Variants in ZBTB37 observed in about 807,000 individuals in gnomAD.
ZBTB37 encodes zinc finger and BTB domain containing 37, also known as zinc finger and BTB domain-containing protein 37.
In ZBTB37, 15 loss-of-function variants were observed where a neutral mutation model predicts 37.7. That is an observed-to-expected ratio of 0.40 (90% CI 0.27 to 0.61). ZBTB37 has a LOEUF of 0.61. Ranked by LOEUF, ZBTB37 falls within the 20% of genes least tolerant of loss-of-function variation. The pLI is 0.44. For synonymous variants in ZBTB37, 231 were observed against 220.6 expected (o/e 1.05, Z -0.42); for missense variants, 514 against 641.9 (o/e 0.80, Z 2.15).
chr1:173,879,552 T>G (rs1307260520), intron 4 of ZBTB37, among the ~76,000 whole-genome samples: 1 of 152,138 alleles, frequency 6.6e-6, no homozygotes, highest in African/African-American at 2.4e-5. Context: ...AGTCTAATGT[T>G]TCAGATTTTT....
At chr1:173,872,380 A>G (rs1057041166) in intron 3 of ZBTB37, among the ~76,000 whole-genome samples, 12 of 150,400 alleles carry the variant, frequency 8.0e-5, no homozygotes, top group Admixed American at 5.3e-4. Flanking sequence ...GCCTTATTTT[A>G]TTTTATTTTT....
At chr1:173,886,308 A>C in exon 5 of ZBTB37, 1 of 860,190 alleles carries the variant, frequency 1.2e-6, no homozygotes, top group Non-Finnish European at 1.7e-6. Context: ...CTCCCTTCTT[A>C]TTGCCCGCCT....
At chr1:173,870,128 C>A in intron 2 of ZBTB37, 72 bp from the exon 3 acceptor site, 1 of 1,057,668 alleles carries the variant, frequency 9.5e-7, no homozygotes, top group Non-Finnish European at 1.3e-6. Flanking sequence ...TGTTTAAATA[C>A]TTTTGAAATG....
At chr1:173,899,338 C>G (rs1657171953) in exon 4 of ZBTB37, 1 of 152,088 alleles carries the variant, frequency 6.6e-6, no homozygotes, top group South Asian at 2.1e-4. Flanking sequence ...TAGGCCTGTC[C>G]CCTGATCTTT....
At chr1:173,902,482 T>G (rs913260872) in exon 4 of ZBTB37, 10 of 152,238 alleles carry the variant, frequency 6.6e-5, no homozygotes, top group Non-Finnish European at 1.3e-4. Flanking sequence ...AAGCAGTTAC[T>G]CCATTAATAG....
In ZBTB37 at chr1:173,875,223, CACTATATAT is replaced by C. The variant is rs543938991; in HGVS notation, c.1023+1672_1023+1680del. Among the ~76,000 whole-genome samples, 252 of 150,696 alleles carry C rather than the reference CACTATATAT, an allele frequency of 1.7e-3. 1 individual carries two copies. Among genetic ancestry groups the C allele is most frequent in the African/African-American group, 5.7e-3 (234 of 40,834 alleles). Reference sequence around the variant, plus strand: ...CACTATGTATACTATAGTATGCACACACTATATATACTATATATACTATGCGTAGTATAC... The same window carrying C: ...CACTATGTATACTATAGTATGCACACACTATATATACTATGCGTAGTATAC... On this transcript the variant is annotated intron_variant, in intron 4 of 4. Transcript: ENST00000427304.
At chr1:173,882,785 C>T (rs1656409099) in intron 4 of ZBTB37, among the ~76,000 whole-genome samples, 2 of 152,108 alleles carry the variant, frequency 1.3e-5, no homozygotes, top group Admixed American at 1.3e-4. Context: ...CCAGTTTCAG[C>T]TTTCTACATA....
At chr1:173,889,933 T>C (rs1258504476), downstream of ZBTB37, 1 of 152,244 alleles carries the variant, frequency 6.6e-6, no homozygotes, top group Non-Finnish European at 1.5e-5. Flanking sequence ...CAAAGATGGT[T>C]TGAAGATAGA....
At chr1:173,892,121 G>A (rs1468759922) in exon 4 of ZBTB37, 3 of 152,130 alleles carry the variant, frequency 2.0e-5, no homozygotes, top group African/African-American at 4.8e-5. Context: ...AGTAACAGTA[G>A]GTTTTTGAGA....
chr1:173,885,892 A>G, exon 5 of ZBTB37: 2 of 1,551,882 alleles, frequency 1.3e-6, no homozygotes, highest in Non-Finnish European at 1.7e-6. Context: ...ACAGGCAACA[A>G]GCCCTTTCAC....
chr1:173,895,885 C>T (rs1282509829), exon 4 of ZBTB37: 4 of 152,100 alleles, frequency 2.6e-5, no homozygotes, highest in African/African-American at 9.7e-5. Context: ...ATTTCATTGT[C>T]CATATTGATG....
intron 4 of ZBTB37, among the ~76,000 whole-genome samples, chr1:173,881,983 G>C (rs2102742991): frequency 6.6e-6 from 1 of 151,794 alleles, no homozygotes; most frequent in East Asian, 2.0e-4. Flanking sequence ...GAACCCGGGA[G>C]GCAGAGCTTG....
At chr1:173,886,695 C>CT (rs1038944350), downstream of ZBTB37, 2 of 153,334 alleles carry the variant, frequency 1.3e-5, no homozygotes, top group African/African-American at 2.4e-5. Flanking sequence ...TTTCCCCTGA[C>CT]TAGGCATCTA....
chr1:173,873,579 G>A lies in ZBTB37; in HGVS notation c.1023+13G>A. On this transcript the variant is annotated intron_variant, in intron 4 of 4. Coordinates refer to ENST00000427304, the Ensembl canonical transcript of ZBTB37. ...ACCCAGCTCCCAGGTATGGAGTTGT[G>A]GATTTAGAACTGCTTTGGTGGTTGG... 6.2e-7 allele frequency: 1 copy of A among 1,613,784 alleles called. No individual in the cohort carries two copies. The highest frequency in any genetic ancestry group is 8.5e-7 in the Non-Finnish European group (1 of 1,179,878).
chr1:173,903,247 G>A (rs1160926125), exon 4 of ZBTB37: 2 of 152,968 alleles, frequency 1.3e-5, no homozygotes, highest in African/African-American at 4.8e-5. Context: ...TGTCGTGTCG[G>A]GGAAGGGGGG....
At chr1:173,870,130 T>C in intron 2 of ZBTB37, 70 bp from the exon 3 acceptor site, 1 of 1,090,204 alleles carries the variant, frequency 9.2e-7, no homozygotes, top group Non-Finnish European at 1.3e-6. Flanking sequence ...TTTAAATACT[T>C]TTGAAATGGA....
At chr1:173,872,580 T>C (rs979604785) in intron 3 of ZBTB37, among the ~76,000 whole-genome samples, 6 of 152,120 alleles carry the variant, frequency 3.9e-5, no homozygotes, top group Admixed American at 2.6e-4. Context: ...CCTCCTATGT[T>C]AGAACTGTAT....
chr1:173,886,256 A>T (rs1656616683), exon 5 of ZBTB37: 2 of 1,379,308 alleles, frequency 1.5e-6, no homozygotes, highest in Non-Finnish European at 9.6e-7. Flanking sequence ...AGATGTTGCC[A>T]AACTGGAGGA....
At chr1:173,873,691 AT>A (rs1015974372) in intron 4 of ZBTB37, 125 bp downstream of exon 4, 69 of 1,418,050 alleles carry the variant, frequency 4.9e-5, no homozygotes, top group Admixed American at 2.2e-4. Context: ...GAAATACTGT[AT>A]TTTTTTTCCC....
Sources: allele counts gnomAD v4.1 joint callset (sites outside exome capture counted in the v4.1 genomes callset), GRCh38; gene constraint gnomAD v4.1.1; transcripts MANE v1.5; gene names NCBI Gene and HGNC (gene_info 2026-07-23, HGNC 2026-07-21).